Variants in RARB observed in about 807,000 individuals in gnomAD.
RARB encodes retinoic acid receptor beta, also known as HBV-activated protein.
In RARB, 17 loss-of-function variants were observed where a neutral mutation model predicts 51.9. That is an observed-to-expected ratio of 0.33 (90% CI 0.22 to 0.49). The LOEUF is 0.49. RARB is among the 20% of genes least tolerant of loss of function. The pLI is 0.99. For missense variants in RARB, 369 were observed against 550.8 expected, an observed-to-expected ratio of 0.67 and a Z score of 3.30; for synonymous variants, 215 against 195.4, an observed-to-expected ratio of 1.10 and a Z score of -0.84.
chr3:25,262,776 C>G (rs1703034574), intron 5 of RARB, among the ~76,000 whole-genome samples: 1 of 152,118 alleles, frequency 6.6e-6, no homozygotes, highest in Non-Finnish European at 1.5e-5. Context: ...TATAATGAAG[C>G]ATGTTTATAG....
In RARB at chr3:25,509,626, G is replaced by A. The variant is rs1575473023; in HGVS notation, c.448+8303G>A. On this transcript the variant is annotated intron_variant, in intron 3 of 7. Coordinates refer to ENST00000330688, the MANE Select transcript of RARB (RefSeq NM_000965.5). ...GAGCCAGGTGGCTCATTTGCCCAGA[G>A]ATGCCGAGACATGTGTAATCAGAGA... is the stretch of plus-strand genomic sequence containing the variant. Among the ~76,000 whole-genome samples, 4 of 152,180 alleles carry A rather than the reference G, an allele frequency of 2.6e-5. No individual in the cohort carries two copies. In the South Asian group the frequency reaches 8.3e-4, roughly 32 times the overall value.
rs35710364 is a variant in RARB, at chr3:25,156,516, CAAAAAAA to C, written c.-279-17578_-279-17572del. 5.6e-3 allele frequency among the ~76,000 whole-genome samples: 318 copies of C among 56,782 alleles called. 1 individual carries two copies. The highest frequency in any genetic ancestry group is 0.022 in the African/African-American group (299 of 13,548). The allele number at this position is 56,782 out of a possible 152,430, so 37.3% of individuals were successfully genotyped here. On this transcript the variant is annotated intron_variant, in intron 4 of 11. Coordinates refer to the RARB transcript ENST00000383772. ...ATCACACAAATTCTAGCCCCAACTG[CAAAAAAA>C]AAAAAAAAAAAAAAAAAAAAAAAAG...
chr3:25,000,598 C>T (rs1360436962), intron 2 of RARB, among the ~76,000 whole-genome samples: 3 of 151,870 alleles, frequency 2.0e-5, no homozygotes, highest in Non-Finnish European at 4.4e-5. Flanking sequence ...ATTCTGTACC[C>T]CTGGTCTCTA....
At chr3:25,304,614 C>A (rs1305134621) in intron 5 of RARB, among the ~76,000 whole-genome samples, 2 of 152,216 alleles carry the variant, frequency 1.3e-5, no homozygotes, top group Non-Finnish European at 2.9e-5. Flanking sequence ...TTAAAGTCAT[C>A]CAGAATCTAA....
rs567033576 is a variant in RARB at position 25,255,414 on chromosome 3, A to G, written c.178+80839A>G. Among the ~76,000 whole-genome samples the G allele has an allele frequency of 8.5e-5, 13 of 152,244 alleles. 1 individual carries two copies. In the South Asian group the frequency reaches 2.7e-3, roughly 32 times the overall value. The stretch of plus-strand genomic sequence containing the variant: ...GCTCTGTTATTATCTGCTTTGTGTC[A>G]CTTTTGTGAATTTCCTCCTCTGCCT... On this transcript the variant is annotated intron_variant, in intron 5 of 11. Coordinates refer to the RARB transcript ENST00000383772.
chr3:25,368,568 C>T (rs1206225768), intron 5 of RARB, among the ~76,000 whole-genome samples: 1 of 152,206 alleles, frequency 6.6e-6, no homozygotes, highest in Non-Finnish European at 1.5e-5. Flanking sequence ...TGGCAATGTG[C>T]TTGTAAGGAA....
At chr3:25,381,285 A>G (rs7618590) in intron 5 of RARB, among the ~76,000 whole-genome samples, 122,782 of 152,058 alleles carry the variant, frequency 0.81, 50,125 homozygotes, top group East Asian at 0.99. Context: ...TCATTAGCCC[A>G]GGGATGAGGA....
chr3:24,998,431 G>C (rs1456299955), intron 2 of RARB, among the ~76,000 whole-genome samples: 1 of 151,628 alleles, frequency 6.6e-6, no homozygotes, highest in Non-Finnish European at 1.5e-5. Context: ...GGATTTTTTT[G>C]TGGAAGACTT....
chr3:24,952,162 C>T (rs1695907066), intron 2 of RARB, among the ~76,000 whole-genome samples: 1 of 151,978 alleles, frequency 6.6e-6, no homozygotes, highest in Non-Finnish European at 1.5e-5. Flanking sequence ...ATCCTTTGAG[C>T]CAAGAGTTCA....
chr3:25,500,244 A>G (rs1697226836), intron 2 of RARB, among the ~76,000 whole-genome samples: 1 of 152,104 alleles, frequency 6.6e-6, no homozygotes, highest in South Asian at 2.1e-4. Context: ...GCCTCATGTG[A>G]CTAATAGCTA....
intron 3 of RARB, among the ~76,000 whole-genome samples, chr3:25,555,770 G>T (rs775960447): frequency 1.3e-5 from 2 of 152,166 alleles, no homozygotes; most frequent in East Asian, 3.9e-4. Flanking sequence ...TGGCCCCGGG[G>T]ATGTTGGAGT....
At chr3:25,568,131 C>T (rs1700572323) in intron 3 of RARB, among the ~76,000 whole-genome samples, 2 of 152,180 alleles carry the variant, frequency 1.3e-5, no homozygotes, top group South Asian at 4.1e-4. Flanking sequence ...ACTCATTTCA[C>T]CAGTGATCTA....
At chr3:25,128,037 T>G (rs944207774) in intron 3 of RARB, among the ~76,000 whole-genome samples, 5 of 152,094 alleles carry the variant, frequency 3.3e-5, no homozygotes, top group Non-Finnish European at 7.4e-5. Context: ...AGCAAACATT[T>G]GCTAACCGGT....
chr3:25,441,665 C>G (rs1708692525), intron 1 of RARB, among the ~76,000 whole-genome samples: 1 of 152,112 alleles, frequency 6.6e-6, no homozygotes, highest in Non-Finnish European at 1.5e-5. Context: ...TTTTTTAATG[C>G]AGAAAAGTTA....
chr3:25,231,101 C>T (rs1702166058), intron 5 of RARB, among the ~76,000 whole-genome samples: 1 of 152,068 alleles, frequency 6.6e-6, no homozygotes, highest in African/African-American at 2.4e-5. Context: ...GATAATCCCT[C>T]CTTAAACAAG....
rs112236358 is a variant in RARB at position 25,245,723 on chromosome 3, A to G, written c.178+71148A>G. Among the ~76,000 whole-genome samples the G allele has an allele frequency of 3.1e-3, 476 of 152,094 alleles. 4 individuals are homozygous for G. The highest frequency in any genetic ancestry group is 0.011 in the African/African-American group (458 of 41,502). On this transcript the variant is annotated intron_variant, in intron 5 of 11. Coordinates refer to the RARB transcript ENST00000383772. Reference sequence around the variant, plus strand: ...GTGGGTAACCTGACCTTTCTCTCTGACTGCCCTTAACATTTTTTTCCTTCA... The same window carrying G: ...GTGGGTAACCTGACCTTTCTCTCTGGCTGCCCTTAACATTTTTTTCCTTCA...
At chr3:25,437,213 C>A (rs1189679018) in intron 1 of RARB, among the ~76,000 whole-genome samples, 1 of 151,256 alleles carries the variant, frequency 6.6e-6, no homozygotes, top group Non-Finnish European at 1.5e-5. Flanking sequence ...GGTGGCAGTC[C>A]TTTCTGTTTG....
intron 2 of RARB, among the ~76,000 whole-genome samples, chr3:24,912,996 T>TTTTTTTTTA (rs1491080482): frequency 2.3e-5 from 3 of 133,004 alleles, no homozygotes; most frequent in Admixed American, 7.8e-5. Flanking sequence ...TTTTTTTTTT[T>TTTTTTTTTA]TGGAGACAGA....
At chr3:25,413,747 C>G (rs1349221692) in intron 5 of RARB, among the ~76,000 whole-genome samples, 1 of 151,990 alleles carries the variant, frequency 6.6e-6, no homozygotes, top group Non-Finnish European at 1.5e-5. Context: ...CCCTGATAAC[C>G]AATGAAGTTG....
Sources: gnomAD v4.1 joint callset for allele counts (sites outside exome capture counted in the v4.1 genomes callset) on GRCh38, gnomAD v4.1.1 for gene constraint, MANE v1.5 for transcripts, NCBI Gene and HGNC (gene_info 2026-07-23, HGNC 2026-07-21) for gene names.